The following NRXN1 variants were observed in gnomAD, a reference collection of about 807,000 sequenced individuals.
The protein encoded by NRXN1 is neurexin-1.
Under a neutral mutation model 150.9 loss-of-function variants are expected in NRXN1, and 39 were observed. That is an observed-to-expected ratio of 0.26 (90% CI 0.20 to 0.34). The LOEUF (loss-of-function observed/expected upper bound fraction) is 0.34. Ranked by LOEUF, NRXN1 falls within the 10% of genes least tolerant of loss-of-function variation. The pLI, the probability that NRXN1 is intolerant of heterozygous loss-of-function variation, is 1.00. For synonymous variants in NRXN1, 924 were observed against 757.0 expected, an observed-to-expected ratio of 1.22 and a Z score of -3.62; for missense variants, 1,815 against 1,949.9, an observed-to-expected ratio of 0.93 and a Z score of 1.30.
intron 17 of NRXN1, among the ~76,000 whole-genome samples, chr2:50,356,900 A>T (rs1340753846): frequency 6.6e-6 from 1 of 152,176 alleles, no homozygotes; most frequent in Non-Finnish European, 1.5e-5. Flanking sequence ...TTAGGCACCT[A>T]ATCAAAGAGA....
chr2:50,519,908 G>A (rs1185481594), intron 12 of NRXN1, among the ~76,000 whole-genome samples: 1 of 151,698 alleles, frequency 6.6e-6, no homozygotes, highest in Non-Finnish European at 1.5e-5. Flanking sequence ...TATAACCTTG[G>A]CATAAAATCT....
chr2:50,916,221 A>G (rs1341462096), intron 5 of NRXN1, among the ~76,000 whole-genome samples: 1 of 150,900 alleles, frequency 6.6e-6, no homozygotes, highest in Non-Finnish European at 1.5e-5. Context: ...TCAAAATTGT[A>G]CAAAGTTTTG....
intron 18 of NRXN1, among the ~76,000 whole-genome samples, chr2:50,214,425 T>G (rs72837423): frequency 7.9e-5 from 12 of 152,136 alleles, no homozygotes; most frequent in Non-Finnish European, 1.6e-4. Context: ...AACTCTATAT[T>G]CCATACTTTC....
chr2:49,955,398 T>A (rs1674747523), intron 21 of NRXN1, among the ~76,000 whole-genome samples: 1 of 152,096 alleles, frequency 6.6e-6, no homozygotes, highest in Non-Finnish European at 1.5e-5. Flanking sequence ...ACCCCATGGC[T>A]GGAAATGTAT....
At chr2:50,790,298 T>A (rs1283594632) in intron 5 of NRXN1, among the ~76,000 whole-genome samples, 1 of 152,160 alleles carries the variant, frequency 6.6e-6, no homozygotes, top group Non-Finnish European at 1.5e-5. Context: ...CAAGTAATCT[T>A]TAAAATCAGA....
At chr2:50,507,799 T>A (rs1019876583) in intron 12 of NRXN1, among the ~76,000 whole-genome samples, 1 of 152,068 alleles carries the variant, frequency 6.6e-6, no homozygotes, top group African/African-American at 2.4e-5. Context: ...GGTGTTTTTT[T>A]AAGTATGGAA....
intron 18 of NRXN1, among the ~76,000 whole-genome samples, chr2:50,128,325 CT>C (rs1247553291): frequency 6.6e-6 from 1 of 152,176 alleles, no homozygotes; most frequent in African/African-American, 2.4e-5. Flanking sequence ...ACCAACTTTT[CT>C]TGAGTCCATA....
At chr2:50,635,536 G>A (rs1292412512) in intron 5 of NRXN1, among the ~76,000 whole-genome samples, 1 of 151,990 alleles carries the variant, frequency 6.6e-6, no homozygotes, top group Non-Finnish European at 1.5e-5. Context: ...CCTCAGAAAG[G>A]CATAGGGCAG....
At chr2:50,236,684 ACTGGTTT>A in intron 18 of NRXN1, 98 bp downstream of exon 18, 1 of 950,216 alleles carries the variant, frequency 1.1e-6, no homozygotes, top group Non-Finnish European at 1.7e-6. Flanking sequence ...ATAACAAAGT[ACTGGTTT>A]CTGGGGGAAG....
chr2:50,658,410 T>TA (rs1225495616), intron 5 of NRXN1, among the ~76,000 whole-genome samples: 3 of 17,968 alleles, frequency 1.7e-4, no homozygotes, highest in African/African-American at 1.4e-3. Context: ...ATGCATTCAC[T>TA]GGTGTGTGTG....
chr2:49,988,496 A>G (rs931506589), intron 21 of NRXN1, among the ~76,000 whole-genome samples: 1 of 152,034 alleles, frequency 6.6e-6, no homozygotes, highest in Non-Finnish European at 1.5e-5. Flanking sequence ...AGAGTTTTAC[A>G]TTACCTAAAC....
intron 17 of NRXN1, among the ~76,000 whole-genome samples, chr2:50,273,020 AAC>A (rs2069909368): frequency 6.6e-6 from 1 of 152,166 alleles, no homozygotes; most frequent in East Asian, 1.9e-4. Flanking sequence ...CATCTTAAAA[AAC>A]ACATAAAAAT....
chr2:50,999,847 A>T (rs1699811737), intron 2 of NRXN1, among the ~76,000 whole-genome samples: 1 of 152,038 alleles, frequency 6.6e-6, no homozygotes, highest in African/African-American at 2.4e-5. Context: ...ACCCTAGTCC[A>T]TCATCACATC....
At chr2:50,424,167 G>A (rs1237269764) in intron 17 of NRXN1, among the ~76,000 whole-genome samples, 1 of 76,420 alleles carries the variant, frequency 1.3e-5, no homozygotes, top group African/African-American at 5.7e-5. Context: ...AGGGGAGGAG[G>A]AGGAGGGGGA....
chr2:50,133,404 G>A (rs1705866931), intron 18 of NRXN1, among the ~76,000 whole-genome samples: 2 of 152,270 alleles, frequency 1.3e-5, no homozygotes, highest in South Asian at 4.1e-4. Flanking sequence ...AACAACCACT[G>A]AAAATTCTCC....
chr2:50,781,554 T>C (rs1211232052), intron 5 of NRXN1, among the ~76,000 whole-genome samples: 1 of 152,174 alleles, frequency 6.6e-6, no homozygotes, highest in African/African-American at 2.4e-5. Flanking sequence ...AAACTTAGCC[T>C]TACCTGTGAA....
At chr2:50,237,004 A>G in intron 17 of NRXN1, 34 bp from the exon 18 acceptor site, 1 of 1,604,356 alleles carries the variant, frequency 6.2e-7, no homozygotes, top group Non-Finnish European at 8.5e-7. Flanking sequence ...ATTAGTCCAA[A>G]TACATCAAGT....
chr2:50,921,287 T>C (rs1685995359), intron 5 of NRXN1, among the ~76,000 whole-genome samples: 1 of 151,790 alleles, frequency 6.6e-6, no homozygotes, highest in South Asian at 2.1e-4. Context: ...AATGCGGGAA[T>C]GCATAGCTAG....
intron 5 of NRXN1, among the ~76,000 whole-genome samples, chr2:50,773,228 ACTC>A (rs1265775309): frequency 6.6e-6 from 1 of 151,552 alleles, no homozygotes; most frequent in Admixed American, 6.6e-5. Context: ...TCTGTGCAAA[ACTC>A]CTGTCTCCTC....
Sources: allele counts gnomAD v4.1 joint callset (sites outside exome capture counted in the v4.1 genomes callset), GRCh38; gene constraint gnomAD v4.1.1; transcripts MANE v1.5; gene names NCBI Gene and HGNC (gene_info 2026-07-23, HGNC 2026-07-21).